CHST11: variants seen among roughly 807,000 people sequenced by gnomAD.
CHST11 encodes the protein carbohydrate sulfotransferase 11.
In CHST11, 9 loss-of-function variants were observed where a neutral mutation model predicts 30.4. That is an observed-to-expected ratio of 0.30 (90% CI 0.18 to 0.52). CHST11 has a LOEUF of 0.52. Among genes scored for constraint, CHST11 ranks in the 20% least tolerant of loss-of-function variants. The probability of loss-of-function intolerance (pLI) is 0.97; values close to 1 mark genes in which losing one functional copy is unlikely to be tolerated. For synonymous variants in CHST11, 152 were observed against 187.8 expected (o/e 0.81, Z 1.56); for missense variants, 348 against 460.6 (o/e 0.76, Z 2.24).
At chr12:104,631,937 A>G (rs1477632865) in intron 2 of CHST11, among the ~76,000 whole-genome samples, 2 of 151,778 alleles carry the variant, frequency 1.3e-5, no homozygotes, top group African/African-American at 4.8e-5. Context: ...CATGTCTTGT[A>G]CTCCGCTCTG....
At chr12:104,666,396 T>TG (rs1158442007) in intron 2 of CHST11, among the ~76,000 whole-genome samples, 1 of 152,240 alleles carries the variant, frequency 6.6e-6, no homozygotes. Context: ...TTGGGGTTAT[T>TG]GTGAAACGTG....
intron 1 of CHST11, among the ~76,000 whole-genome samples, chr12:104,511,436 G>C (rs57177343): frequency 6.6e-6 from 1 of 152,118 alleles, no homozygotes; most frequent in Middle Eastern, 3.2e-3. Context: ...AGTCTTGCTG[G>C]CTTTCTTCTG....
intron 2 of CHST11, among the ~76,000 whole-genome samples, chr12:104,607,846 C>T (rs2039021946): frequency 6.6e-6 from 1 of 152,130 alleles, no homozygotes; most frequent in Non-Finnish European, 1.5e-5. Context: ...GAGGAGCCCA[C>T]AAAAACTGGC....
intron 2 of CHST11, among the ~76,000 whole-genome samples, chr12:104,627,965 C>T (rs1354057183): frequency 1.3e-5 from 2 of 152,230 alleles, no homozygotes; most frequent in Non-Finnish European, 1.5e-5. Flanking sequence ...AAGGCAGACA[C>T]TCTGTTTGAC....
At chr12:104,517,730 T>A (rs2038038348) in intron 1 of CHST11, among the ~76,000 whole-genome samples, 1 of 152,170 alleles carries the variant, frequency 6.6e-6, no homozygotes, top group African/African-American at 2.4e-5. Context: ...CCTGGGAACC[T>A]GACCTCAGGA....
intron 2 of CHST11, among the ~76,000 whole-genome samples, chr12:104,631,454 C>T (rs1281958554): frequency 6.6e-6 from 1 of 152,138 alleles, no homozygotes; most frequent in Non-Finnish European, 1.5e-5. Context: ...CCTGCACCTG[C>T]GACTTGCTTT....
chr12:104,590,748 C>T (rs2038849660), intron 1 of CHST11, among the ~76,000 whole-genome samples: 1 of 152,108 alleles, frequency 6.6e-6, no homozygotes. Context: ...ATGGTGAAAC[C>T]CTGTGTACTT....
intron 1 of CHST11, among the ~76,000 whole-genome samples, chr12:104,521,978 A>G (rs1163295556): frequency 6.6e-5 from 10 of 152,212 alleles, no homozygotes; most frequent in Non-Finnish European, 1.2e-4. Flanking sequence ...ACAGGATCTT[A>G]TCACCCTCTC....
At chr12:104,626,411 T>C (rs1190173675) in intron 2 of CHST11, among the ~76,000 whole-genome samples, 1 of 152,110 alleles carries the variant, frequency 6.6e-6, no homozygotes, top group East Asian at 1.9e-4. Context: ...AGAACTTTTG[T>C]CTATTCATGT....
intron 1 of CHST11, among the ~76,000 whole-genome samples, chr12:104,532,972 C>T (rs77486187): frequency 0.016 from 2,486 of 152,220 alleles, 118 homozygotes; most frequent in East Asian, 0.15. Context: ...GATAGGTTCT[C>T]GCTATGTTGC....
At chr12:104,538,820 G>A (rs1336890300) in intron 1 of CHST11, among the ~76,000 whole-genome samples, 1 of 152,190 alleles carries the variant, frequency 6.6e-6, no homozygotes, top group Non-Finnish European at 1.5e-5. Context: ...TTTGAGAAGT[G>A]TTGATTTTTG....
intron 2 of CHST11, among the ~76,000 whole-genome samples, chr12:104,689,065 T>C (rs2039873972): frequency 6.6e-6 from 1 of 152,248 alleles, no homozygotes; most frequent in Admixed American, 6.5e-5. Context: ...TGAAAGAACA[T>C]TTCTAGGACA....
chr12:104,678,579 CTA>C (rs1488298398), intron 2 of CHST11, among the ~76,000 whole-genome samples: 5 of 152,200 alleles, frequency 3.3e-5, no homozygotes, highest in Admixed American at 2.6e-4. Context: ...ATGAATTAGA[CTA>C]TTCAGGTATA....
intron 2 of CHST11, among the ~76,000 whole-genome samples, chr12:104,670,071 G>A (rs1232748157): frequency 6.6e-6 from 1 of 152,204 alleles, no homozygotes; most frequent in East Asian, 1.9e-4. Flanking sequence ...CCAACAGCTG[G>A]ACAGAGGCGG....
chr12:104,624,511 C>T (rs1266606665), intron 2 of CHST11, among the ~76,000 whole-genome samples: 1 of 124,242 alleles, frequency 8.0e-6, no homozygotes, highest in Non-Finnish European at 1.7e-5. Context: ...TTGTGCTTGC[C>T]ATATCAAATG....
At chr12:104,560,075 G>A (rs1182372285) in intron 1 of CHST11, among the ~76,000 whole-genome samples, 1 of 152,104 alleles carries the variant, frequency 6.6e-6, no homozygotes, top group African/African-American at 2.4e-5. Context: ...GGAATACCAA[G>A]GACAAAGGCT....
chr12:104,535,056 G>A (rs990585148), intron 1 of CHST11, among the ~76,000 whole-genome samples: 2 of 152,180 alleles, frequency 1.3e-5, no homozygotes, highest in African/African-American at 4.8e-5. Flanking sequence ...GACATCATAT[G>A]GGGTTATAAA....
chr12:104,661,345 G>T (rs1214340197), intron 2 of CHST11, among the ~76,000 whole-genome samples: 1 of 152,092 alleles, frequency 6.6e-6, no homozygotes, highest in Non-Finnish European at 1.5e-5. Flanking sequence ...TTAAGCCCAG[G>T]AGTTCAAGAC....
chr12:104,588,495 A>C (rs1460833231), intron 1 of CHST11, among the ~76,000 whole-genome samples: 2 of 152,200 alleles, frequency 1.3e-5, no homozygotes, highest in Admixed American at 1.3e-4. Flanking sequence ...TATGACCCAG[A>C]CTTGAGTCAC....
Sources: gnomAD v4.1 joint callset for allele counts (sites outside exome capture counted in the v4.1 genomes callset) on GRCh38, gnomAD v4.1.1 for gene constraint, MANE v1.5 for transcripts, NCBI Gene and HGNC (gene_info 2026-07-23, HGNC 2026-07-21) for gene names.